COMMD10: variants seen among roughly 807,000 people sequenced by gnomAD.
The protein encoded by COMMD10 is COMM domain-containing protein 10.
In COMMD10, 33 loss-of-function variants were observed where a neutral mutation model predicts 28.9. The observed-to-expected ratio is 1.14, with a 90% CI of 0.87 to 1.53. COMMD10 has a LOEUF of 1.53. Ranked by LOEUF, COMMD10 falls within the 40% of genes most tolerant of loss-of-function variation. COMMD10 has a pLI of 0.00. For missense variants in COMMD10, 310 were observed against 233.4 expected (o/e 1.33, Z -2.14); for synonymous variants, 110 against 81.7 (o/e 1.35, Z -1.87).
chr5:116,235,176 AGT>A (rs1262042614), intron 5 of COMMD10, among the ~76,000 whole-genome samples: 3 of 152,156 alleles, frequency 2.0e-5, no homozygotes, highest in African/African-American at 7.2e-5. Context: ...GAGAAGAGAG[AGT>A]GTGGGCTGCT....
chr5:116,189,889 G>T (rs1748294572), intron 5 of COMMD10, among the ~76,000 whole-genome samples: 1 of 152,074 alleles, frequency 6.6e-6, no homozygotes, highest in African/African-American at 2.4e-5. Context: ...TATTATGAAA[G>T]GAGGTAATTT....
intron 5 of COMMD10, among the ~76,000 whole-genome samples, chr5:116,201,896 T>C (rs1180250208): frequency 6.6e-6 from 1 of 152,096 alleles, no homozygotes; most frequent in Non-Finnish European, 1.5e-5. Context: ...TTTATTTTAT[T>C]ATTATTATAC....
intron 5 of COMMD10, among the ~76,000 whole-genome samples, chr5:116,150,002 A>G (rs552583298): frequency 7.2e-5 from 11 of 152,278 alleles, no homozygotes; most frequent in African/African-American, 2.4e-4. Flanking sequence ...CTAACGTTTA[A>G]GTCTTTAATC....
chr5:116,165,558 T>C (rs1753061396), intron 5 of COMMD10, among the ~76,000 whole-genome samples: 2 of 152,096 alleles, frequency 1.3e-5, no homozygotes, highest in African/African-American at 2.4e-5. Flanking sequence ...TGTAGATGCC[T>C]GTCTGCCTTG....
At chr5:116,187,404 A>G (rs985281713) in intron 5 of COMMD10, among the ~76,000 whole-genome samples, 6 of 152,274 alleles carry the variant, frequency 3.9e-5, no homozygotes, top group Middle Eastern at 3.4e-3. Flanking sequence ...AATGGTATAC[A>G]TATGTATAGA....
intron 5 of COMMD10, among the ~76,000 whole-genome samples, chr5:116,167,881 C>A (rs922390616): frequency 5.3e-5 from 8 of 152,062 alleles, no homozygotes; most frequent in Non-Finnish European, 1.2e-4. Context: ...CAAAAACATA[C>A]AAAATTGTAA....
intron 5 of COMMD10, among the ~76,000 whole-genome samples, chr5:116,253,128 A>G (rs1750169787): frequency 4.3e-5 from 4 of 92,552 alleles, no homozygotes; most frequent in Non-Finnish European, 1.1e-4. Flanking sequence ...AATGCTTGTG[A>G]TTTTTGTACA....
intron 5 of COMMD10, among the ~76,000 whole-genome samples, chr5:116,284,899 T>C (rs1443407348): frequency 6.6e-6 from 1 of 151,970 alleles, no homozygotes; most frequent in Non-Finnish European, 1.5e-5. Context: ...ACTTAATGCA[T>C]TTCATATATC....
intron 5 of COMMD10, among the ~76,000 whole-genome samples, chr5:116,136,686 G>T (rs998551702): frequency 1.3e-5 from 2 of 152,144 alleles, no homozygotes; most frequent in East Asian, 3.8e-4. Flanking sequence ...ATCTAGATGT[G>T]AAATCTAACT....
chr5:116,247,633 A>G (rs1431254038), intron 5 of COMMD10, among the ~76,000 whole-genome samples: 1 of 152,132 alleles, frequency 6.6e-6, no homozygotes, highest in Admixed American at 6.6e-5. Context: ...ATGCAGCCAT[A>G]AAAAAGAACG....
chr5:116,094,501 TAAAAAGAGAA>T (rs1249976313), intron 4 of COMMD10, among the ~76,000 whole-genome samples: 1 of 152,142 alleles, frequency 6.6e-6, no homozygotes, highest in Non-Finnish European at 1.5e-5. Context: ...TGGCTATTAT[TAAAAAGAGAA>T]AAAAATAATG....
chr5:116,227,718 C>T (rs62384253), intron 5 of COMMD10, among the ~76,000 whole-genome samples: 11,091 of 151,866 alleles, frequency 0.073, 482 homozygotes, highest in Admixed American at 0.13. Context: ...TTGGTGATGC[C>T]GAGCATTCAC....
chr5:116,267,614 G>T (rs1301960843), intron 5 of COMMD10, among the ~76,000 whole-genome samples: 1 of 151,704 alleles, frequency 6.6e-6, no homozygotes, highest in African/African-American at 2.4e-5. Context: ...AGTTCATATG[G>T]AACCAAAAAA....
In COMMD10 at chr5:116,199,860, A is replaced by C. The variant is rs1287292978; in HGVS notation, c.510+65682A>C. On this transcript the variant is annotated intron_variant, in intron 5 of 6. Transcript: ENST00000274458. ...CTCCAGAGTATCTGGGATTACAGGT[A>C]TGTAGCACCATGCCTGGCTTTCTTC... 2.0e-5 allele frequency among the ~76,000 whole-genome samples: 3 copies of C among 152,246 alleles called. No homozygotes were observed. The East Asian group carries it at 5.8e-4, about 29-fold the overall frequency.
intron 5 of COMMD10, among the ~76,000 whole-genome samples, chr5:116,265,502 C>A (rs1213158662): frequency 6.6e-6 from 1 of 151,716 alleles, no homozygotes; most frequent in Admixed American, 6.6e-5. Flanking sequence ...TAAAACATTA[C>A]ATATGAGAGT....
chr5:116,134,383 T>C (rs1199541099), intron 5 of COMMD10, among the ~76,000 whole-genome samples: 1 of 151,648 alleles, frequency 6.6e-6, no homozygotes, highest in Non-Finnish European at 1.5e-5. Flanking sequence ...TTCTTTTAAA[T>C]TCTGCAGTGA....
At chr5:116,107,448 C>T (rs1054904081) in intron 4 of COMMD10, among the ~76,000 whole-genome samples, 4 of 151,994 alleles carry the variant, frequency 2.6e-5, no homozygotes, top group Admixed American at 2.6e-4. Context: ...ATCTGATATC[C>T]TTTCTTTTGC....
intron 5 of COMMD10, among the ~76,000 whole-genome samples, chr5:116,224,741 G>C (rs1039962731): frequency 6.6e-6 from 1 of 152,098 alleles, no homozygotes; most frequent in African/African-American, 2.4e-5. Context: ...GGTTTGGAGG[G>C]GACAAAACAT....
chr5:116,226,439 A>T (rs1749395989), intron 5 of COMMD10, among the ~76,000 whole-genome samples: 3 of 145,636 alleles, frequency 2.1e-5, no homozygotes, highest in African/African-American at 7.5e-5. Context: ...TTTTGAGAAC[A>T]GCAAATTATA....
Sources: gnomAD v4.1 joint callset for allele counts (sites outside exome capture counted in the v4.1 genomes callset) on GRCh38, gnomAD v4.1.1 for gene constraint, MANE v1.5 for transcripts, NCBI Gene and HGNC (gene_info 2026-07-23, HGNC 2026-07-21) for gene names.